BABAM2: variants seen among roughly 807,000 people sequenced by gnomAD.
The protein encoded by BABAM2 is BRISC and BRCA1-A complex member 2.
Under a neutral mutation model 54.7 loss-of-function variants are expected in BABAM2, and 31 were observed. The ratio of observed to expected loss-of-function variants is 0.57; its 90% CI spans 0.43 to 0.77. The LOEUF is 0.77. Among genes scored for constraint, BABAM2 ranks in the 30% least tolerant of loss-of-function variants. The pLI is 0.00. For synonymous variants in BABAM2, 167 were observed against 162.9 expected (o/e 1.03, Z -0.19); for missense variants, 364 against 455.8 (o/e 0.80, Z 1.83).
chr2:27,997,810 A>G (rs915409161), intron 4 of BABAM2, among the ~76,000 whole-genome samples: 9 of 152,184 alleles, frequency 5.9e-5, no homozygotes, highest in Admixed American at 2.0e-4. Context: ...TAAAACAGCT[A>G]TTGGGAAAAT....
intron 11 of BABAM2, among the ~76,000 whole-genome samples, chr2:28,319,838 T>G (rs1198961918): frequency 6.6e-6 from 1 of 152,172 alleles, no homozygotes; most frequent in Non-Finnish European, 1.5e-5. Context: ...TCAAAGGCAA[T>G]ACACTTGCAG....
chr2:28,107,224 C>T (rs1258074203), intron 6 of BABAM2, among the ~76,000 whole-genome samples: 1 of 152,138 alleles, frequency 6.6e-6, no homozygotes, highest in Non-Finnish European at 1.5e-5. Context: ...CTTTCTTCCT[C>T]TCCTCTGGAC....
Position 28,021,066 on chromosome 2 carries a change from G to A in BABAM2, c.301-4160G>A, listed in dbSNP as rs143050719. On this transcript the variant is annotated intron_variant, in intron 4 of 11. Transcript: ENST00000379624. ...ATATCTTCACCAACATTAGCTGTTT[G>A]CTGAAAAAAAGAACTTGACTAATTT... Among the ~76,000 whole-genome samples the A allele has an allele frequency of 7.3e-3, 1,111 of 151,494 alleles. 10 individuals are homozygous for A. The highest frequency in any genetic ancestry group is 0.022 in the South Asian group (104 of 4,808).
intron 7 of BABAM2, among the ~76,000 whole-genome samples, chr2:28,159,164 A>G (rs767792210): frequency 3.3e-5 from 5 of 152,222 alleles, no homozygotes; most frequent in Non-Finnish European, 7.3e-5. Context: ...TCAACCAACA[A>G]CATTTATTTG....
intron 11 of BABAM2, among the ~76,000 whole-genome samples, chr2:28,320,040 G>A (rs1689896775): frequency 6.6e-6 from 1 of 152,174 alleles, no homozygotes; most frequent in African/African-American, 2.4e-5. Context: ...GGGTGCTGCA[G>A]TGTTGTGGTC....
intron 2 of BABAM2, among the ~76,000 whole-genome samples, chr2:27,929,352 A>ATCCT (rs1667934604): frequency 6.6e-6 from 1 of 152,214 alleles, no homozygotes; most frequent in Admixed American, 6.5e-5. Context: ...TGCCAAATCT[A>ATCCT]AAGGAAGCAC....
intron 11 of BABAM2, among the ~76,000 whole-genome samples, chr2:28,318,260 G>T (rs902371259): frequency 6.6e-6 from 1 of 151,500 alleles, no homozygotes; most frequent in East Asian, 1.9e-4. Context: ...ACTAGATAAG[G>T]GTTGGGCAAA....
At chr2:28,038,526 C>T (rs529456002) in intron 5 of BABAM2, among the ~76,000 whole-genome samples, 1 of 152,118 alleles carries the variant, frequency 6.6e-6, no homozygotes, top group Admixed American at 6.5e-5. Flanking sequence ...AGCTCTTGTC[C>T]CCTTTCTTTC....
chr2:28,162,348 A>C (rs556009806), intron 7 of BABAM2, among the ~76,000 whole-genome samples: 1 of 152,308 alleles, frequency 6.6e-6, no homozygotes, highest in African/African-American at 2.4e-5. Flanking sequence ...GAGACTCCAA[A>C]GTCAGACAGA....
In BABAM2 at chr2:28,329,229, G is replaced by A. The variant is rs1558535465; in HGVS notation, c.1089-9221G>A. On this transcript the variant is annotated intron_variant, in intron 11 of 11. Coordinates refer to ENST00000379624, the MANE Select transcript of BABAM2 (RefSeq NM_199191.3). This position sits in a 1 kb window ranked among gnomAD's most constrained non-coding sequence, Gnocchi z 4.2. ...GCAGAGGGGTGGCCGAGAGGAACAGGCCTTCATGTCCCCCGACAAAACTGT... is the reference window on the plus strand; with the variant it reads ...GCAGAGGGGTGGCCGAGAGGAACAGACCTTCATGTCCCCCGACAAAACTGT... Among the ~76,000 whole-genome samples the A allele has an allele frequency of 6.6e-6, 1 of 152,208 alleles. No individual in the cohort carries two copies. The highest frequency in any genetic ancestry group is 1.5e-5 in the Non-Finnish European group (1 of 68,040).
chr2:28,070,700 C>CT (rs780764395), intron 6 of BABAM2, among the ~76,000 whole-genome samples: 128 of 152,182 alleles, frequency 8.4e-4, no homozygotes, highest in Non-Finnish European at 1.3e-3. Context: ...TCTTATCAAT[C>CT]TTAACTTGTC....
chr2:28,164,509 T>G (rs1192705173), intron 7 of BABAM2, among the ~76,000 whole-genome samples: 1 of 151,928 alleles, frequency 6.6e-6, no homozygotes, highest in Non-Finnish European at 1.5e-5. Context: ...ATTTTTTTTT[T>G]CCTTCTTGGA....
At chr2:28,218,549 C>T (rs138017188) in intron 7 of BABAM2, among the ~76,000 whole-genome samples, 1,809 of 152,230 alleles carry the variant, frequency 0.012, 27 homozygotes, top group South Asian at 0.05. Flanking sequence ...ATATGTGTGA[C>T]ATGATGTGTC....
chr2:28,256,644 T>A (rs1683997469), intron 10 of BABAM2, among the ~76,000 whole-genome samples: 1 of 151,984 alleles, frequency 6.6e-6, no homozygotes, highest in Non-Finnish European at 1.5e-5. Context: ...AGAAACGAAA[T>A]TCCTTAAAAT....
At chr2:28,271,540 G>T (rs141450553) in intron 10 of BABAM2, among the ~76,000 whole-genome samples, 120 of 152,304 alleles carry the variant, frequency 7.9e-4, no homozygotes, top group Middle Eastern at 3.4e-3. Context: ...TCCACACATT[G>T]TAAAGGAAAC....
At chr2:28,147,213 A>C (rs1671573411) in intron 7 of BABAM2, among the ~76,000 whole-genome samples, 1 of 152,198 alleles carries the variant, frequency 6.6e-6, no homozygotes, top group African/African-American at 2.4e-5. Context: ...CAAGCCCAAG[A>C]ATGGAGCCTC....
At chr2:28,276,007 C>CAAAAAAAAAAAAAAA (rs534951884) in intron 10 of BABAM2, among the ~76,000 whole-genome samples, 1 of 110,976 alleles carries the variant, frequency 9.0e-6, no homozygotes, top group African/African-American at 3.5e-5. Flanking sequence ...ATTTTTATCT[C>CAAAAAAAAAAAAAAA]AAAAAAAAAA....
At chr2:27,909,971 T>C (rs1666460683) in intron 2 of BABAM2, among the ~76,000 whole-genome samples, 2 of 152,196 alleles carry the variant, frequency 1.3e-5, no homozygotes, top group African/African-American at 2.4e-5. Context: ...TTGCATATAA[T>C]CCTTCTAATA....
At chr2:28,029,316 C>G (rs1246318376) in intron 5 of BABAM2, among the ~76,000 whole-genome samples, 1 of 152,134 alleles carries the variant, frequency 6.6e-6, no homozygotes, top group African/African-American at 2.4e-5. Context: ...CAACAGATCT[C>G]TAGAACTTTT....
Sources: allele counts gnomAD v4.1 joint callset (sites outside exome capture counted in the v4.1 genomes callset), GRCh38; gene constraint gnomAD v4.1.1; non-coding constraint Gnocchi (gnomAD v3.1); transcripts MANE v1.5; gene names NCBI Gene and HGNC (gene_info 2026-07-23, HGNC 2026-07-21).